Variants in CTIF observed in about 807,000 individuals in gnomAD.
CTIF encodes the protein CBP80/20-dependent translation initiation factor.
In CTIF, 21 loss-of-function variants were observed where a neutral mutation model predicts 66.0. The observed-to-expected ratio is 0.32, with a 90% CI of 0.23 to 0.46. The LOEUF is 0.46. Ranked by LOEUF, CTIF falls within the 20% of genes least tolerant of loss-of-function variation. The pLI, the probability that CTIF is intolerant of heterozygous loss-of-function variation, is 1.00. For missense variants in CTIF, 739 were observed against 812.7 expected, an observed-to-expected ratio of 0.91 and a Z score of 1.10; for synonymous variants, 345 against 326.4, an observed-to-expected ratio of 1.06 and a Z score of -0.62.
chr18:48,820,566 C>T (rs764631993), intron 10 of CTIF, among the ~76,000 whole-genome samples: 1 of 152,110 alleles, frequency 6.6e-6, no homozygotes, highest in African/African-American at 2.4e-5. Context: ...CAGGACCCTC[C>T]AAAAGGATGT....
chr18:48,749,398 C>T (rs1266677349), intron 7 of CTIF, among the ~76,000 whole-genome samples: 1 of 152,194 alleles, frequency 6.6e-6, no homozygotes, highest in African/African-American at 2.4e-5. Flanking sequence ...TGAAGACTTT[C>T]ATGGTGGGAA....
intron 10 of CTIF, among the ~76,000 whole-genome samples, chr18:48,821,239 C>T (rs1044902825): frequency 6.6e-6 from 1 of 152,268 alleles, no homozygotes; most frequent in African/African-American, 2.4e-5. Context: ...TCACCCCAGC[C>T]TCTTCACGTT....
intron 6 of CTIF, 54 bp from the exon 7 acceptor site, chr18:48,711,565 T>C (rs1169451415): frequency 7.0e-7 from 1 of 1,432,948 alleles, no homozygotes; most frequent in Admixed American, 1.7e-5. Flanking sequence ...CCAGAGGTGC[T>C]TTGCTCTCTT....
chr18:48,642,757 A>T (rs1020778750), intron 3 of CTIF, among the ~76,000 whole-genome samples: 1 of 152,196 alleles, frequency 6.6e-6, no homozygotes, highest in Non-Finnish European at 1.5e-5. Flanking sequence ...ACATTAAACA[A>T]CCAACAACCA....
chr18:48,821,495 G>A (rs1422206374), intron 10 of CTIF, among the ~76,000 whole-genome samples: 1 of 152,240 alleles, frequency 6.6e-6, no homozygotes, highest in Non-Finnish European at 1.5e-5. Flanking sequence ...TGCAGGCAGA[G>A]CAGGGGCTAC....
intron 7 of CTIF, among the ~76,000 whole-genome samples, chr18:48,745,470 T>C (rs1159564353): frequency 6.6e-6 from 1 of 152,278 alleles, no homozygotes; most frequent in Non-Finnish European, 1.5e-5. Flanking sequence ...CTTCAAAACT[T>C]TCATCCACTG....
At chr18:48,687,579 G>A (rs1217027066) in intron 6 of CTIF, among the ~76,000 whole-genome samples, 1 of 152,138 alleles carries the variant, frequency 6.6e-6, no homozygotes, top group Non-Finnish European at 1.5e-5. Context: ...CCTTCCTGGT[G>A]GGAAAGACTC....
intron 6 of CTIF, among the ~76,000 whole-genome samples, chr18:48,686,804 G>A (rs1173507424): frequency 6.6e-6 from 1 of 152,134 alleles, no homozygotes; most frequent in African/African-American, 2.4e-5. Flanking sequence ...GAGATTTGCA[G>A]CCTCCATCCA....
At chr18:48,613,317 A>G (rs1342579818) in intron 1 of CTIF, among the ~76,000 whole-genome samples, 1 of 152,124 alleles carries the variant, frequency 6.6e-6, no homozygotes, top group Non-Finnish European at 1.5e-5. Flanking sequence ...ACTCAAAGTC[A>G]GACTTGGCCA....
rs956455296 is a variant in CTIF at position 48,739,405 on chromosome 18, G to A, written c.585-18514G>A. Among the ~76,000 whole-genome samples, 9 of 152,228 alleles carry A rather than the reference G, an allele frequency of 5.9e-5. No homozygotes were observed. The South Asian group carries it at 6.2e-4, about 10-fold the overall frequency. ...GAACCCCTGCCTGATGGGCCACTGC[G>A]GGGAGGTTTTCAGTTGGACTTGACG... On this transcript the variant is annotated intron_variant, in intron 7 of 11. Transcript: ENST00000256413.
chr18:48,588,212 C>T (rs1568052948), intron 1 of CTIF, among the ~76,000 whole-genome samples: 2 of 152,318 alleles, frequency 1.3e-5, no homozygotes, highest in South Asian at 2.1e-4. Context: ...ACAGAGGACA[C>T]CCCCCAGCCC....
At chr18:48,852,747 G>A (rs1160619727) in intron 10 of CTIF, among the ~76,000 whole-genome samples, 1 of 152,210 alleles carries the variant, frequency 6.6e-6, no homozygotes, top group Non-Finnish European at 1.5e-5. Flanking sequence ...AGCAACTAGT[G>A]TACACGTGTT....
intron 3 of CTIF, among the ~76,000 whole-genome samples, chr18:48,641,637 G>A (rs2090934667): frequency 6.6e-6 from 1 of 152,232 alleles, no homozygotes; most frequent in Non-Finnish European, 1.5e-5. Context: ...AGCTCCAGGA[G>A]AACCAGATGT....
rs569067852 is a variant in CTIF, at chr18:48,860,465, G to T, written c.*906G>T. On this transcript the variant is annotated 3_prime_UTR_variant, in exon 12 of 12. Coordinates refer to ENST00000256413, the MANE Select transcript of CTIF (RefSeq NM_014772.3). ...ACTTCTGCCCCGGCGGGGGGTCCCC[G>T]CTGGAATCCTGTGTTCCTCGCCACT... 1.5e-4 allele frequency: 23 copies of T among 156,886 alleles called. No homozygotes were observed. Among genetic ancestry groups the T allele is most frequent in the Admixed American group, 1.0e-3 (17 of 16,338 alleles). The allele number at this position is 156,886 out of a possible 1,614,324, so 9.7% of individuals were successfully genotyped here. A position where few individuals can be genotyped will look rare whatever the true frequency, so the allele number is the denominator to read the frequency against.
At chr18:48,638,689 C>T (rs1189831513) in intron 3 of CTIF, among the ~76,000 whole-genome samples, 1 of 152,246 alleles carries the variant, frequency 6.6e-6, no homozygotes, top group Non-Finnish European at 1.5e-5. Context: ...ACCCCAATCT[C>T]ACCTTCAAGA....
intron 7 of CTIF, among the ~76,000 whole-genome samples, chr18:48,751,368 C>T (rs1003367103): frequency 1.3e-5 from 2 of 152,214 alleles, no homozygotes; most frequent in Non-Finnish European, 2.9e-5. Flanking sequence ...GCTTCCTTTC[C>T]TTCGTGATTC....
intron 6 of CTIF, among the ~76,000 whole-genome samples, chr18:48,680,966 G>C (rs2091729938): frequency 6.6e-6 from 1 of 152,208 alleles, no homozygotes; most frequent in South Asian, 2.1e-4. Flanking sequence ...AGGGGGCGGG[G>C]ACGGACAGGG....
chr18:48,664,617 C>A, intron 5 of CTIF, 66 bp downstream of exon 5: 1 of 1,364,762 alleles, frequency 7.3e-7, no homozygotes, highest in Non-Finnish European at 1.0e-6. Flanking sequence ...CCTTTGCCTC[C>A]ACAGGGAGGC....
chr18:48,777,675 C>G (rs372558310), intron 9 of CTIF, among the ~76,000 whole-genome samples: 1 of 152,242 alleles, frequency 6.6e-6, no homozygotes, highest in South Asian at 2.1e-4. Flanking sequence ...CCAGCTGAGG[C>G]TGCATTTTCT....
Sources: gnomAD v4.1 joint callset for allele counts (sites outside exome capture counted in the v4.1 genomes callset) on GRCh38, gnomAD v4.1.1 for gene constraint, MANE v1.5 for transcripts, NCBI Gene and HGNC (gene_info 2026-07-23, HGNC 2026-07-21) for gene names.